Variants in CNTN5 observed in about 807,000 individuals in gnomAD.
The protein encoded by CNTN5 is contactin 5.
A neutral mutation model predicts 129.1 loss-of-function variants in CNTN5; 77 were observed. The observed-to-expected ratio is 0.60, with a 90% CI of 0.50 to 0.72. CNTN5 has a LOEUF of 0.72. Among genes scored for constraint, CNTN5 ranks in the 30% least tolerant of loss-of-function variants. The probability of loss-of-function intolerance (pLI) is 0.00; values close to 1 mark genes in which losing one functional copy is unlikely to be tolerated. For synonymous variants in CNTN5, 509 were observed against 465.6 expected (o/e 1.09, Z -1.20); for missense variants, 1,478 against 1,328.8 (o/e 1.11, Z -1.75).
At chr11:99,619,754 T>C (rs887851980) in intron 3 of CNTN5, among the ~76,000 whole-genome samples, 8 of 151,980 alleles carry the variant, frequency 5.3e-5, no homozygotes, top group Admixed American at 6.6e-5. Context: ...CTGTCGGGCG[T>C]GGTGGCTCAA....
At chr11:100,265,039 G>C (rs1161170292) in intron 17 of CNTN5, among the ~76,000 whole-genome samples, 3 of 151,648 alleles carry the variant, frequency 2.0e-5, no homozygotes, top group African/African-American at 7.3e-5. Flanking sequence ...CTTTTTTTGA[G>C]AAGTGTTTGC....
At chr11:99,646,959 G>A (rs1269858782) in intron 3 of CNTN5, among the ~76,000 whole-genome samples, 1 of 151,882 alleles carries the variant, frequency 6.6e-6, no homozygotes. Context: ...TGAATAGTTT[G>A]CCCATATTTT....
intron 2 of CNTN5, among the ~76,000 whole-genome samples, chr11:99,449,946 G>T (rs991064964): frequency 6.6e-6 from 1 of 152,242 alleles, no homozygotes; most frequent in Non-Finnish European, 1.5e-5. Context: ...CAAATTAAGA[G>T]ATTTTTAAAA....
chr11:100,337,365 G>A (rs189209328), intron 21 of CNTN5: 13 of 816,284 alleles, frequency 1.6e-5, no homozygotes, highest in Non-Finnish European at 2.2e-5. Flanking sequence ...ATCACAAAGC[G>A]AACAGCCAGC....
At chr11:99,542,912 G>A (rs1948163842) in intron 2 of CNTN5, among the ~76,000 whole-genome samples, 1 of 152,232 alleles carries the variant, frequency 6.6e-6, no homozygotes, top group South Asian at 2.1e-4. Context: ...CAGCTGAACT[G>A]AAAGTTTTTC....
At chr11:100,031,011 A>G (rs992952563) in intron 9 of CNTN5, among the ~76,000 whole-genome samples, 12 of 152,178 alleles carry the variant, frequency 7.9e-5, no homozygotes, top group Non-Finnish European at 1.0e-4. Context: ...TAGAATGTCC[A>G]TCTTAGTACC....
chr11:99,682,303 G>A (rs1052017971), intron 3 of CNTN5, among the ~76,000 whole-genome samples: 1 of 147,692 alleles, frequency 6.8e-6, no homozygotes, highest in Non-Finnish European at 1.5e-5. Context: ...AAAATGAAAA[G>A]AGAAGAGAGA....
At chr11:99,681,961 G>T (rs1044162444) in intron 3 of CNTN5, among the ~76,000 whole-genome samples, 9 of 152,068 alleles carry the variant, frequency 5.9e-5, no homozygotes, top group Middle Eastern at 6.8e-3. Flanking sequence ...AACTCACAAA[G>T]CAAGGAGTTA....
At chr11:99,832,394 C>T (rs1947169816) in intron 4 of CNTN5, among the ~76,000 whole-genome samples, 1 of 152,142 alleles carries the variant, frequency 6.6e-6, no homozygotes, top group Non-Finnish European at 1.5e-5. Flanking sequence ...CATCCTCTGA[C>T]CTCTCTTTTA....
In CNTN5 at chr11:100,255,880, G is replaced by T. The variant is rs201856589; in HGVS notation, c.2126G>T (p.Arg709Leu). 23 of 1,613,698 alleles carry T rather than the reference G, an allele frequency of 1.4e-5. No individual in the cohort carries two copies. The highest frequency in any genetic ancestry group is 1.7e-5 in the Non-Finnish European group (20 of 1,179,864). ...SPISSYNLQA[R>L]SPFSLGWQTV... The stretch of plus-strand genomic sequence containing the variant: ...ATCTCCTCCTACAACCTTCAAGCTC[G>T]CAGCCCATTTTCCCTGGGCTGGCAA... The change falls in exon 17 of 25, where the codon CGC (arginine) becomes CTC (leucine). Residue 709 changes from arginine (R) to leucine (L), a missense_variant. Physicochemically the swap from Arg to Leu is moderately radical, Grantham distance 102. Transcript: ENST00000524871.
intron 10 of CNTN5, among the ~76,000 whole-genome samples, chr11:100,063,378 TA>T (rs1047128784): frequency 1.3e-5 from 2 of 148,244 alleles, no homozygotes; most frequent in African/African-American, 5.0e-5. Context: ...TCACTTTGAA[TA>T]GAAAAAAAAA....
chr11:99,870,906 C>A (rs976835408), intron 6 of CNTN5, among the ~76,000 whole-genome samples: 1 of 151,906 alleles, frequency 6.6e-6, no homozygotes, highest in Admixed American at 6.6e-5. Context: ...ACATTGAAAG[C>A]GAATATATTT....
rs190284469 is a variant in CNTN5, at chr11:100,107,803, G to C, written c.1580+33509G>C. ...TTATTTTCAAAGACCTACTACTCCAGTGATACAAATGTATACACATACATT... is the reference window on the plus strand; with the variant it reads ...TTATTTTCAAAGACCTACTACTCCACTGATACAAATGTATACACATACATT... On this transcript the variant is annotated intron_variant, in intron 13 of 24. Transcript: ENST00000524871. Among the ~76,000 whole-genome samples, 544 of 151,954 alleles carry C rather than the reference G, an allele frequency of 3.6e-3. 4 individuals carry two copies. The highest frequency in any genetic ancestry group is 5.9e-3 in the Non-Finnish European group (399 of 67,966).
chr11:99,416,120 G>A (rs1029611312), intron 2 of CNTN5, among the ~76,000 whole-genome samples: 3 of 152,138 alleles, frequency 2.0e-5, no homozygotes, highest in Admixed American at 2.0e-4. Flanking sequence ...GGAGTATTTA[G>A]ACCATGAATA....
chr11:99,029,605 C>T (rs182889314), intron 1 of CNTN5, among the ~76,000 whole-genome samples: 2 of 152,040 alleles, frequency 1.3e-5, no homozygotes, highest in African/African-American at 4.8e-5. Flanking sequence ...AGAAACAAAA[C>T]AAATGTGTAG....
At chr11:99,813,884 A>G (rs1239810619) in intron 3 of CNTN5, among the ~76,000 whole-genome samples, 1 of 152,116 alleles carries the variant, frequency 6.6e-6, no homozygotes, top group Non-Finnish European at 1.5e-5. Context: ...AAAGAGAGAC[A>G]TTGTGGAATG....
intron 8 of CNTN5, 106 bp downstream of exon 8, chr11:99,957,115 A>T (rs892410607): frequency 2.0e-6 from 2 of 1,003,768 alleles, no homozygotes; most frequent in African/African-American, 3.3e-5. Context: ...AAATAAAATA[A>T]AAAGGCATTT....
chr11:99,796,804 A>C (rs957066189), intron 3 of CNTN5, among the ~76,000 whole-genome samples: 1 of 152,058 alleles, frequency 6.6e-6, no homozygotes, highest in African/African-American at 2.4e-5. Flanking sequence ...TCCTGTGCCA[A>C]ATCCTCTGGG....
At chr11:99,222,887 T>C (rs1466752225) in intron 1 of CNTN5, among the ~76,000 whole-genome samples, 1 of 152,166 alleles carries the variant, frequency 6.6e-6, no homozygotes, top group African/African-American at 2.4e-5. Context: ...ACCAATAAGA[T>C]CTATTTATTA....
Sources: gnomAD v4.1 joint callset for allele counts (sites outside exome capture counted in the v4.1 genomes callset) on GRCh38, gnomAD v4.1.1 for gene constraint, MANE v1.5 for transcripts, NCBI Gene and HGNC (gene_info 2026-07-23, HGNC 2026-07-21) for gene names.